SGCZ: variants seen among roughly 807,000 people sequenced by gnomAD.
SGCZ encodes the protein zeta-sarcoglycan.
SGCZ carries 40 observed loss-of-function variants against 41.3 expected under a neutral mutation model. The observed-to-expected ratio is 0.97, with a 90% confidence interval of 0.75 to 1.26. SGCZ has a LOEUF of 1.26. Among genes scored for constraint, SGCZ ranks in the 50% most tolerant of loss-of-function variants. SGCZ has a pLI of 0.00. For synonymous variants in SGCZ, 206 were observed against 137.5 expected (o/e 1.50, Z -3.49); for missense variants, 552 against 369.8 (o/e 1.49, Z -4.04).
intron 3 of SGCZ, among the ~76,000 whole-genome samples, chr8:14,238,102 C>G (rs951397032): frequency 6.6e-6 from 1 of 152,222 alleles, no homozygotes; most frequent in African/African-American, 2.4e-5. Flanking sequence ...ATTGGCTCAT[C>G]TAATCAGTGT....
intron 4 of SGCZ, among the ~76,000 whole-genome samples, chr8:14,234,097 C>A (rs1000095547): frequency 6.6e-6 from 1 of 151,952 alleles, no homozygotes; most frequent in African/African-American, 2.4e-5. Context: ...TTCATAAAGC[C>A]TGGAACTTCA....
In SGCZ at chr8:14,240,788, T is replaced by C. The variant is rs569565764; in HGVS notation, c.337-3109A>G. Among the ~76,000 whole-genome samples, 76 of 152,342 alleles carry C rather than the reference T, an allele frequency of 5.0e-4. 1 individual carries two copies. The highest frequency in any genetic ancestry group is 3.4e-3 in the Middle Eastern group (1 of 294). ...ATTTCTGTATTTTATATCAATACCA[T>C]ATCTTTGTGGATTAGACCCATTGCT... On this transcript the variant is annotated intron_variant, in intron 3 of 7. Coordinates refer to ENST00000382080, the MANE Select transcript of SGCZ (RefSeq NM_139167.4).
chr8:14,226,866 A>G (rs994439553), intron 4 of SGCZ, among the ~76,000 whole-genome samples: 1 of 152,076 alleles, frequency 6.6e-6, no homozygotes, highest in Non-Finnish European at 1.5e-5. Context: ...CTAACACAGT[A>G]TTGTCTGCAT....
intron 2 of SGCZ, among the ~76,000 whole-genome samples, chr8:14,343,870 G>T (rs1802800418): frequency 6.6e-6 from 1 of 151,114 alleles, no homozygotes; most frequent in Non-Finnish European, 1.5e-5. Context: ...ATCACACCAA[G>T]AATTAGTACT....
At chr8:14,810,120 A>T (rs752123861) in intron 1 of SGCZ, among the ~76,000 whole-genome samples, 1 of 152,066 alleles carries the variant, frequency 6.6e-6, no homozygotes, top group East Asian at 1.9e-4. Context: ...ATGGCAAAAA[A>T]ATTTCAGGAT....
At chr8:14,248,780 G>C (rs564398653) in intron 3 of SGCZ, among the ~76,000 whole-genome samples, 3 of 151,212 alleles carry the variant, frequency 2.0e-5, no homozygotes, top group East Asian at 2.0e-4. Flanking sequence ...AAATCTGCTT[G>C]GATTATGAGG....
chr8:14,313,015 A>T (rs1239012227), intron 3 of SGCZ, among the ~76,000 whole-genome samples: 3 of 152,128 alleles, frequency 2.0e-5, no homozygotes, highest in Non-Finnish European at 4.4e-5. Context: ...GGACATAAGG[A>T]TCAAAGCTTG....
chr8:14,910,434 T>A (rs1799249930), intron 1 of SGCZ, among the ~76,000 whole-genome samples: 1 of 152,056 alleles, frequency 6.6e-6, no homozygotes. Flanking sequence ...TTAGTAAATT[T>A]GAAATCTTAC....
chr8:14,539,322 C>T lies in SGCZ; in HGVS notation c.234+15410G>A, dbSNP rs751626018. Among the ~76,000 whole-genome samples, 23 of 151,970 alleles carry T rather than the reference C, an allele frequency of 1.5e-4. 1 individual carries two copies. Among genetic ancestry groups the T allele is most frequent in the Middle Eastern group, 3.4e-3 (1 of 294 alleles). ...CTCTCTTTCTATATACATCCTATTG[C>T]TTCTGTTTGTCTGGAGAACCCTGAT... On this transcript the variant is annotated intron_variant, in intron 2 of 7. Coordinates refer to ENST00000382080, the MANE Select transcript of SGCZ (RefSeq NM_139167.4).
intron 1 of SGCZ, among the ~76,000 whole-genome samples, chr8:15,141,764 T>C (rs1397683026): frequency 6.6e-6 from 1 of 151,926 alleles, no homozygotes; most frequent in Non-Finnish European, 1.5e-5. Flanking sequence ...CAACTCGGCG[T>C]GGTGGTGCGT....
At chr8:14,174,224 T>C (rs1393520747) in intron 4 of SGCZ, among the ~76,000 whole-genome samples, 2 of 152,146 alleles carry the variant, frequency 1.3e-5, no homozygotes, top group African/African-American at 4.8e-5. Flanking sequence ...TTTAAAGACA[T>C]ACTATCAAAC....
At chr8:14,507,213 A>G (rs1009643503) in intron 2 of SGCZ, among the ~76,000 whole-genome samples, 1 of 151,504 alleles carries the variant, frequency 6.6e-6, no homozygotes, top group Non-Finnish European at 1.5e-5. Context: ...CAAATACTGC[A>G]TAAGTATGTA....
intron 1 of SGCZ, among the ~76,000 whole-genome samples, chr8:14,860,417 G>GA (rs1563321020): frequency 6.6e-6 from 1 of 150,694 alleles, no homozygotes; most frequent in Non-Finnish European, 1.5e-5. Flanking sequence ...CAGGAAGTGA[G>GA]AAAAATGGAG....
chr8:14,291,046 T>A (rs1165527805), intron 3 of SGCZ, among the ~76,000 whole-genome samples: 1 of 152,036 alleles, frequency 6.6e-6, no homozygotes, highest in African/African-American at 2.4e-5. Flanking sequence ...GCAACATGGA[T>A]GAACTTGGAG....
intron 2 of SGCZ, among the ~76,000 whole-genome samples, chr8:14,349,070 C>T (rs1802996235): frequency 6.6e-6 from 1 of 152,026 alleles, no homozygotes; most frequent in Non-Finnish European, 1.5e-5. Flanking sequence ...TCCTTAGAGA[C>T]AACATTGTAA....
Position 14,265,042 on chromosome 8 carries a change from T to C in SGCZ, c.337-27363A>G, listed in dbSNP as rs549202401. On this transcript the variant is annotated intron_variant, in intron 3 of 7. Coordinates refer to ENST00000382080, the MANE Select transcript of SGCZ (RefSeq NM_139167.4). ...AAACACTAAATTCCTAATTTTTCAG[T>C]ATGCAGGTGTCATTGCATATCCACA... 3.9e-5 allele frequency among the ~76,000 whole-genome samples: 6 copies of C among 152,280 alleles called. No homozygotes were observed. In the South Asian group the frequency reaches 1.0e-3, roughly 26 times the overall value.
At chr8:14,810,360 C>G (rs978655829) in intron 1 of SGCZ, among the ~76,000 whole-genome samples, 1 of 151,778 alleles carries the variant, frequency 6.6e-6, no homozygotes, top group Non-Finnish European at 1.5e-5. Flanking sequence ...TTCTATTTTC[C>G]TAATAGAAAA....
chr8:15,131,180 G>T (rs1038203366), intron 1 of SGCZ, among the ~76,000 whole-genome samples: 1 of 152,170 alleles, frequency 6.6e-6, no homozygotes, highest in Non-Finnish European at 1.5e-5. Flanking sequence ...CCACCCAAAT[G>T]TCATCTTGAA....
At chr8:14,464,485 TA>T (rs1054170626) in intron 2 of SGCZ, among the ~76,000 whole-genome samples, 17 of 123,368 alleles carry the variant, frequency 1.4e-4, no homozygotes, top group African/African-American at 4.2e-4. Flanking sequence ...ATTTGAGTGG[TA>T]TTTTTTTTTT....
Sources: allele counts gnomAD v4.1 joint callset (sites outside exome capture counted in the v4.1 genomes callset), GRCh38; gene constraint gnomAD v4.1.1; transcripts MANE v1.5; gene names NCBI Gene and HGNC (gene_info 2026-07-23, HGNC 2026-07-21).